The following EPHA7 variants were observed in gnomAD, a reference collection of about 807,000 sequenced individuals.
EPHA7 encodes the protein ephrin type-A receptor 7.
In EPHA7, 25 loss-of-function variants were observed where a neutral mutation model predicts 112.6. That is an observed-to-expected ratio of 0.22 (90% confidence interval 0.16 to 0.31). The LOEUF (loss-of-function observed/expected upper bound fraction) is 0.31. EPHA7 is among the 10% of genes least tolerant of loss of function. EPHA7 has a pLI of 1.00. For synonymous variants in EPHA7, 437 were observed against 406.5 expected, an observed-to-expected ratio of 1.07 and a Z score of -0.90; for missense variants, 962 against 1,212.6, an observed-to-expected ratio of 0.79 and a Z score of 3.07.
intron 5 of EPHA7, among the ~76,000 whole-genome samples, chr6:93,291,555 T>C (rs556021932): frequency 1.7e-4 from 25 of 150,978 alleles, no homozygotes; most frequent in Admixed American, 1.4e-3. Context: ...GATCACGAGG[T>C]CAGGAGATCG....
intron 5 of EPHA7, among the ~76,000 whole-genome samples, chr6:93,322,943 T>A (rs912875465): frequency 6.6e-6 from 1 of 151,506 alleles, no homozygotes; most frequent in African/African-American, 2.4e-5. Context: ...TCACATAGAA[T>A]AGCAGTTAAT....
At chr6:93,406,219 T>C (rs1021383524) in intron 3 of EPHA7, among the ~76,000 whole-genome samples, 1 of 151,620 alleles carries the variant, frequency 6.6e-6, no homozygotes, top group African/African-American at 2.4e-5. Context: ...AATTAAGCAA[T>C]ATAGTAATGC....
intron 14 of EPHA7, among the ~76,000 whole-genome samples, chr6:93,247,936 A>C (rs2127848084): frequency 6.6e-6 from 1 of 152,290 alleles, no homozygotes; most frequent in East Asian, 1.9e-4. Flanking sequence ...AGGCAAAAAT[A>C]GATCTTAAAA....
intron 5 of EPHA7, among the ~76,000 whole-genome samples, chr6:93,297,613 T>C (rs1423185326): frequency 2.0e-5 from 3 of 152,142 alleles, no homozygotes; most frequent in African/African-American, 4.8e-5. Flanking sequence ...AAGAAGAATT[T>C]TGAGAAATGG....
At position 93,257,437 on chromosome 6, in the gene EPHA7, A is replaced by G. The variant is rs752307074; in HGVS notation, c.2172+25T>C. On this transcript the variant is annotated intron_variant, in intron 12 of 16. Transcript: ENST00000369303. ...TGGTAGCAAGCATAGTATATTTAGA[A>G]TAAGTGGATCACTTTGGTACTTACC... The G allele has an allele frequency of 4.5e-6, 7 of 1,568,168 alleles. No homozygotes were observed. The East Asian group carries it at 6.8e-5, about 15-fold the overall frequency.
At chr6:93,358,626 T>C (rs1169423087) in intron 3 of EPHA7, among the ~76,000 whole-genome samples, 1 of 152,164 alleles carries the variant, frequency 6.6e-6, no homozygotes, top group Non-Finnish European at 1.5e-5. Flanking sequence ...ACAGCAAACT[T>C]GCACCTGCAG....
At chr6:93,246,243 G>T (rs1332241755) in intron 15 of EPHA7, among the ~76,000 whole-genome samples, 1 of 151,824 alleles carries the variant, frequency 6.6e-6, no homozygotes, top group Non-Finnish European at 1.5e-5. Context: ...GTAGAGATGG[G>T]GTTTCACTGT....
At position 93,240,853 on chromosome 6, in the gene EPHA7, T is replaced by C. The variant is rs1582373538; in HGVS notation, c.*2573A>G. On this transcript the variant is annotated 3_prime_UTR_variant, in exon 17 of 17. Transcript: ENST00000369303. ...TCAGCATTACAATGTTAATTCTTTT[T>C]CTCTTAATATTTGTTTCACATACAT... is the stretch of plus-strand genomic sequence containing the variant. The C allele has an allele frequency of 4.8e-6, 1 of 207,782 alleles. No individual in the cohort carries two copies. Among genetic ancestry groups the C allele is most frequent in the African/African-American group, 2.3e-5 (1 of 43,978 alleles). 12.9% of individuals were successfully genotyped at this position (207,782 alleles called of 1,614,324 possible). A position where few individuals can be genotyped will look rare whatever the true frequency, so the allele number is the denominator to read the frequency against.
At chr6:93,381,725 T>C (rs1374883563) in intron 3 of EPHA7, among the ~76,000 whole-genome samples, 1 of 74,886 alleles carries the variant, frequency 1.3e-5, no homozygotes, top group Non-Finnish European at 2.7e-5. Flanking sequence ...TTTTTTCTTT[T>C]TATTTCTTTT....
intron 3 of EPHA7, among the ~76,000 whole-genome samples, chr6:93,391,492 T>A (rs1034150932): frequency 1.3e-5 from 2 of 151,820 alleles, no homozygotes; most frequent in Non-Finnish European, 2.9e-5. Context: ...CGTTGATGCT[T>A]CCATAGAAAA....
intron 3 of EPHA7, among the ~76,000 whole-genome samples, chr6:93,385,049 T>C (rs1376535906): frequency 6.6e-6 from 1 of 152,176 alleles, no homozygotes; most frequent in Non-Finnish European, 1.5e-5. Flanking sequence ...TTCCTTTTAT[T>C]AGCTATGTAA....
At chr6:93,338,099 A>C (rs1273650883) in intron 5 of EPHA7, among the ~76,000 whole-genome samples, 1 of 152,102 alleles carries the variant, frequency 6.6e-6, no homozygotes, top group Non-Finnish European at 1.5e-5. Flanking sequence ...TGTTGCCCCC[A>C]AATCCCCACC....
At chr6:93,283,369 G>T (rs1218666807) in intron 5 of EPHA7, among the ~76,000 whole-genome samples, 1 of 152,108 alleles carries the variant, frequency 6.6e-6, no homozygotes, top group African/African-American at 2.4e-5. Context: ...CCAGATAAGA[G>T]AATAAAAGCA....
At chr6:93,401,363 C>T (rs534632585) in intron 3 of EPHA7, among the ~76,000 whole-genome samples, 2 of 152,170 alleles carry the variant, frequency 1.3e-5, no homozygotes, top group Non-Finnish European at 2.9e-5. Context: ...AATAAACCTT[C>T]CATAACTCTT....
chr6:93,383,405 C>A (rs1777446482), intron 3 of EPHA7, among the ~76,000 whole-genome samples: 1 of 151,624 alleles, frequency 6.6e-6, no homozygotes, highest in Non-Finnish European at 1.5e-5. Context: ...CATGGTTCCT[C>A]AGTTTAACGT....
At chr6:93,387,924 CAGATAGAT>C (rs200554873) in intron 3 of EPHA7, among the ~76,000 whole-genome samples, 23,997 of 145,380 alleles carry the variant, frequency 0.17, 2,237 homozygotes, top group Middle Eastern at 0.24. Context: ...GATAGATAGA[CAGATAGAT>C]AGATAGATAG....
intron 3 of EPHA7, among the ~76,000 whole-genome samples, chr6:93,404,071 AAGTT>A (rs1419915416): frequency 2.0e-5 from 3 of 152,090 alleles, no homozygotes; most frequent in African/African-American, 4.8e-5. Flanking sequence ...ATGTGACTGA[AAGTT>A]AGAAAAGAAA....
intron 14 of EPHA7, among the ~76,000 whole-genome samples, chr6:93,249,319 G>T (rs971055584): frequency 4.6e-5 from 7 of 152,062 alleles, no homozygotes; most frequent in African/African-American, 1.7e-4. Context: ...AAGAATTTCA[G>T]TGGTTTTGCA....
intron 5 of EPHA7, among the ~76,000 whole-genome samples, chr6:93,336,514 T>G (rs1774879075): frequency 6.6e-6 from 1 of 152,166 alleles, no homozygotes; most frequent in South Asian, 2.1e-4. Flanking sequence ...GTGATTCTCC[T>G]GCCTCAGCCT....
Sources: allele counts gnomAD v4.1 joint callset (sites outside exome capture counted in the v4.1 genomes callset), GRCh38; gene constraint gnomAD v4.1.1; transcripts MANE v1.5; gene names NCBI Gene and HGNC (gene_info 2026-07-23, HGNC 2026-07-21).